CTBS: variants seen among roughly 807,000 people sequenced by gnomAD.
The protein encoded by CTBS is di-N-acetylchitobiase.
A neutral mutation model predicts 44.3 loss-of-function variants in CTBS; 35 were observed. The ratio of observed to expected loss-of-function variants is 0.79; its 90% CI spans 0.60 to 1.05. CTBS has a LOEUF of 1.05. Ranked by LOEUF, CTBS falls within the 50% of genes least tolerant of loss-of-function variation. CTBS has a pLI of 0.00. For missense variants in CTBS, 458 were observed against 475.3 expected, an observed-to-expected ratio of 0.96 and a Z score of 0.34; for synonymous variants, 143 against 168.0, an observed-to-expected ratio of 0.85 and a Z score of 1.15.
At chr1:84,570,399 G>A (rs916486612) in intron 2 of CTBS, among the ~76,000 whole-genome samples, 183 bp downstream of exon 2, 1 of 152,174 alleles carries the variant, frequency 6.6e-6, no homozygotes, top group Non-Finnish European at 1.5e-5. Flanking sequence ...AAACCATACA[G>A]TGGTTTAATT....
At chr1:84,560,374 C>G (rs1239082555) in intron 6 of CTBS, among the ~76,000 whole-genome samples, 1 of 152,178 alleles carries the variant, frequency 6.6e-6, no homozygotes, top group Non-Finnish European at 1.5e-5. Context: ...TCTGAACAGA[C>G]AGTCCTTGCT....
chr1:84,569,921 G>T lies in CTBS; in HGVS notation c.525+10C>A. On this transcript the variant is annotated intron_variant, in intron 3 of 6. Transcript: ENST00000370630. ...AATATGAGGTTTCCAAAAAATAAAT[G>T]AGTTTTTACCTGTGATCCCTCAATT... 2 of 1,605,718 alleles carry T rather than the reference G, an allele frequency of 1.2e-6. No individual in the cohort carries two copies. Among genetic ancestry groups the T allele is most frequent in the Non-Finnish European group, 1.7e-6 (2 of 1,176,820 alleles).
At position 84,569,765 on chromosome 1, in the gene CTBS, T is replaced by C. The variant is rs115346892; in HGVS notation, c.525+166A>G. ...GAGAATAGATTTAGGGCTTTAAAAT[T>C]CCTTAAATAAGAACACCAAAGGCTC... is the stretch of plus-strand genomic sequence containing the variant. On this transcript the variant is annotated intron_variant, in intron 3 of 6. Coordinates refer to ENST00000370630, the MANE Select transcript of CTBS (RefSeq NM_004388.3). Among the ~76,000 whole-genome samples the C allele has an allele frequency of 3.7e-3, 567 of 152,332 alleles. 4 individuals are homozygous for C. The highest frequency in any genetic ancestry group is 0.013 in the African/African-American group (550 of 41,570).
At chr1:84,571,730 A>C (rs1647305000) in intron 1 of CTBS, among the ~76,000 whole-genome samples, 1 of 152,218 alleles carries the variant, frequency 6.6e-6, no homozygotes, top group Admixed American at 6.5e-5. Flanking sequence ...AATGGTATTA[A>C]GGACTGTAGG....
chr1:84,555,838 AACC>A (rs1258625862), intron 6 of CTBS: 1 of 152,268 alleles, frequency 6.6e-6, no homozygotes, highest in African/African-American at 2.4e-5. Context: ...GCTGGTATGC[AACC>A]AAAGTTAAGG....
At chr1:84,568,297 T>C (rs1684734276) in intron 3 of CTBS, among the ~76,000 whole-genome samples, 1 of 152,220 alleles carries the variant, frequency 6.6e-6, no homozygotes, top group Non-Finnish European at 1.5e-5. Flanking sequence ...AATCACTATC[T>C]AGAGAATGAA....
At chr1:84,573,847 A>C in intron 1 of CTBS, 1 of 1,049,676 alleles carries the variant, frequency 9.5e-7, no homozygotes, top group Non-Finnish European at 1.2e-6. Context: ...ATTCTAATGT[A>C]CTGTTGGAGT....
At chr1:84,555,223 G>C (rs780468138) in intron 6 of CTBS, 24 bp from the exon 7 acceptor site, 394 of 1,542,360 alleles carry the variant, frequency 2.6e-4, no homozygotes, top group Non-Finnish European at 3.4e-4. Flanking sequence ...TTAAAATGGA[G>C]ATTTTAAAGT....
At chr1:84,568,173 T>C (rs1455539807) in intron 3 of CTBS, among the ~76,000 whole-genome samples, 1 of 152,242 alleles carries the variant, frequency 6.6e-6, no homozygotes, top group Non-Finnish European at 1.5e-5. Flanking sequence ...GAGATATTCC[T>C]ACTGCAAGGA....
chr1:84,554,743 C>A lies in CTBS; in HGVS notation c.*256G>T. On this transcript the variant is annotated 3_prime_UTR_variant, in exon 7 of 7. Transcript: ENST00000370630. ...AATAAAATTCTGAAAGCAATTTTTC[C>A]CAATTAAATTATAGTGTTGAAACAT... 2 of 304,750 alleles carry A rather than the reference C, an allele frequency of 6.6e-6. No individual in the cohort carries two copies. The highest frequency in any genetic ancestry group is 6.0e-6 in the Non-Finnish European group (1 of 166,250). The allele number at this position is 304,750 out of a possible 1,614,324, so 18.9% of individuals were successfully genotyped here.
chr1:84,569,810 A>G (rs1282673321), intron 3 of CTBS, 121 bp downstream of exon 3: 8 of 938,588 alleles, frequency 8.5e-6, no homozygotes, highest in South Asian at 3.1e-5. Context: ...TTTTTAGGAA[A>G]TAAGTGCTGA....
At chr1:84,563,234 T>C (rs1452148111) in intron 6 of CTBS, 23 bp downstream of exon 6, 9 of 1,413,190 alleles carry the variant, frequency 6.4e-6, no homozygotes, top group Non-Finnish European at 8.5e-6. Flanking sequence ...GAATAAATGC[T>C]CATAACTTAC....
In CTBS at chr1:84,552,386, G is replaced by A. The variant is rs1482733751; in HGVS notation, c.*2613C>T. On this transcript the variant is annotated 3_prime_UTR_variant, in exon 7 of 7. Transcript: ENST00000370630. ...ACTGATGCTAATGCTGCTGTCCACA[G>A]ACAACACTTGGAATAGTAAGGGCTC... 6.6e-6 allele frequency: 1 copy of A among 152,120 alleles called. No homozygotes were observed. Among genetic ancestry groups the A allele is most frequent in the Non-Finnish European group, 1.5e-5 (1 of 68,034 alleles). The allele number at this position is 152,120 out of a possible 1,614,324, so 9.4% of individuals were successfully genotyped here. A position where few individuals can be genotyped will look rare whatever the true frequency, so the allele number is the denominator to read the frequency against.
intron 2 of CTBS, 147 bp from the exon 3 acceptor site, chr1:84,570,286 A>G (rs895135042): frequency 1.6e-5 from 11 of 688,728 alleles, no homozygotes; most frequent in East Asian, 8.3e-5. Context: ...CAAAATAACC[A>G]TTATAAATCA....
At position 84,563,304 on chromosome 1, in the gene CTBS, C is replaced by T. The variant is rs779907493; in HGVS notation, c.910G>A (p.Gly304Arg). The T allele has an allele frequency of 5.0e-6, 8 of 1,590,458 alleles. No homozygotes were observed. Among genetic ancestry groups the T allele is most frequent in the Admixed American group, 1.8e-5 (1 of 56,512 alleles). The change falls in exon 6 of 7, where the codon GGA (glycine) becomes AGA (arginine). Residue 304 changes from glycine (G) to arginine (R), a missense_variant. Physicochemically the swap from Gly to Arg is moderately radical, Grantham distance 125. Coordinates refer to ENST00000370630, the MANE Select transcript of CTBS (RefSeq NM_004388.3). Reference sequence around the variant, plus strand: ...CGCTGATCTTTATCCCATAGGTTTCCAGAAATAGAACTATTTATTTGCTTC... The same window carrying T: ...CGCTGATCTTTATCCCATAGGTTTCTAGAAATAGAACTATTTATTTGCTTC... ...IMKQINSSIS[G>R]NLWDKDQRAP...
intron 3 of CTBS, 166 bp from the exon 4 acceptor site, chr1:84,566,178 GA>G (rs1159354487): frequency 9.0e-6 from 3 of 334,452 alleles, no homozygotes; most frequent in Admixed American, 4.9e-5. Flanking sequence ...ACCATTCTAA[GA>G]AATATTTTTT....
rs966014382 is a variant in CTBS, at chr1:84,551,959, T to G, written c.*3040A>C. 2 of 152,130 alleles carry G rather than the reference T, an allele frequency of 1.3e-5. No individual in the cohort carries two copies. The highest frequency in any genetic ancestry group is 4.8e-5 in the African/African-American group (2 of 41,426). The allele number at this position is 152,130 out of a possible 1,614,324, so 9.4% of individuals were successfully genotyped here. ...TTTGTATATTTTAACATTACAAATG[T>G]CACTCATGGTTTGAACTCAAATTAG... On this transcript the variant is annotated 3_prime_UTR_variant, in exon 7 of 7. Transcript: ENST00000370630.
At chr1:84,562,392 G>A (rs1449761011) in intron 6 of CTBS, among the ~76,000 whole-genome samples, 2 of 152,112 alleles carry the variant, frequency 1.3e-5, no homozygotes, top group African/African-American at 4.8e-5. Context: ...CTACACTAAA[G>A]CTCTCTGTGG....
In CTBS at chr1:84,569,554, A is replaced by G. The variant is rs962660241; in HGVS notation, c.525+377T>C. Among the ~76,000 whole-genome samples the G allele has an allele frequency of 5.1e-4, 77 of 152,198 alleles. 1 individual carries two copies. Among genetic ancestry groups the G allele is most frequent in the Middle Eastern group, 3.2e-3 (1 of 316 alleles). On this transcript the variant is annotated intron_variant, in intron 3 of 6. Coordinates refer to ENST00000370630, the MANE Select transcript of CTBS (RefSeq NM_004388.3). Reference sequence around the variant, plus strand: ...ACTGGGCCTTGGGTGCAAGTAATTCAGAGACTGTAGAGCAAGTGATACACT... The same window carrying G: ...ACTGGGCCTTGGGTGCAAGTAATTCGGAGACTGTAGAGCAAGTGATACACT...
Sources: allele counts gnomAD v4.1 joint callset (sites outside exome capture counted in the v4.1 genomes callset), GRCh38; gene constraint gnomAD v4.1.1; transcripts MANE v1.5; gene names NCBI Gene and HGNC (gene_info 2026-07-23, HGNC 2026-07-21).